ACACA: variants seen among roughly 807,000 people sequenced by gnomAD.
The protein encoded by ACACA is acetyl-CoA carboxylase alpha, also known as acetyl-CoA carboxylase 1.
In ACACA, 103 loss-of-function variants were observed where a neutral mutation model predicts 296.1. The ratio of observed to expected loss-of-function variants is 0.35; its 90% CI spans 0.30 to 0.41. The LOEUF is 0.41. ACACA is among the 10% of genes least tolerant of loss of function. ACACA has a pLI of 1.00. For synonymous variants in ACACA, 953 were observed against 1,038.6 expected, an observed-to-expected ratio of 0.92 and a Z score of 1.58; for missense variants, 1,554 against 2,989.7, an observed-to-expected ratio of 0.52 and a Z score of 11.20.
At chr17:37,105,449 CCCAGG>C (rs1891851579) in intron 52 of ACACA, among the ~76,000 whole-genome samples, 1 of 151,852 alleles carries the variant, frequency 6.6e-6, no homozygotes, top group Admixed American at 6.6e-5. Context: ...TGCACTCCAG[CCCAGG>C]CGACAGTGCG....
intron 3 of ACACA, chr17:37,328,767 C>T: frequency 2.5e-6 from 1 of 397,520 alleles, no homozygotes; most frequent in Admixed American, 4.4e-5. Context: ...CAACAACAGC[C>T]ACCCTAACTT....
At chr17:37,170,965 C>T (rs1251845559) in intron 41 of ACACA, among the ~76,000 whole-genome samples, 1 of 152,168 alleles carries the variant, frequency 6.6e-6, no homozygotes, top group Non-Finnish European at 1.5e-5. Flanking sequence ...AAGACATATC[C>T]ATCAACTCTA....
At chr17:37,176,998 G>C (rs59071509) in intron 41 of ACACA, among the ~76,000 whole-genome samples, 2 of 152,048 alleles carry the variant, frequency 1.3e-5, no homozygotes, top group East Asian at 3.9e-4. Flanking sequence ...AAGAAAAACA[G>C]AACAAAGAAA....
intron 40 of ACACA, among the ~76,000 whole-genome samples, chr17:37,180,272 T>C (rs542590426): frequency 1.3e-5 from 2 of 152,316 alleles, no homozygotes; most frequent in East Asian, 3.9e-4. Flanking sequence ...CTAGCAATGC[T>C]ATAAAAGGGA....
Position 37,218,267 on chromosome 17 carries a change from C to T in ACACA, c.3683+3457G>A, listed in dbSNP as rs4794751. Among the ~76,000 whole-genome samples, 47 of 151,498 alleles carry T rather than the reference C, an allele frequency of 3.1e-4. 1 individual carries two copies. Among genetic ancestry groups the T allele is most frequent in the Admixed American group, 2.3e-3 (35 of 15,238 alleles). ...TGCAGCTAGGGTAGTACTTGAAATA[C>T]GGCTAGTTTATATTGAGATATGCTG... On this transcript the variant is annotated intron_variant, in intron 29 of 55. Transcript: ENST00000616317.
intron 8 of ACACA, among the ~76,000 whole-genome samples, chr17:37,275,321 G>C (rs1003168911): frequency 1.3e-5 from 2 of 151,804 alleles, no homozygotes; most frequent in Non-Finnish European, 2.9e-5. Context: ...GATGGTGAAA[G>C]CCTGTCTCTA....
chr17:37,358,986 G>A, intron 1 of ACACA: 18 of 985,594 alleles, frequency 1.8e-5, no homozygotes, highest in Non-Finnish European at 2.2e-5. Flanking sequence ...TTCTGGGCCG[G>A]CCCTCACCTC....
chr17:37,103,175 C>T (rs895318868), intron 52 of ACACA, among the ~76,000 whole-genome samples: 8 of 152,094 alleles, frequency 5.3e-5, no homozygotes, highest in African/African-American at 1.7e-4. Context: ...AGCAGCCAGC[C>T]CCGGTAATGA....
intron 3 of ACACA, among the ~76,000 whole-genome samples, chr17:37,307,549 C>T (rs1471485201): frequency 6.6e-6 from 1 of 151,852 alleles, no homozygotes; most frequent in African/African-American, 2.4e-5. Context: ...AAGTCTTTTC[C>T]CCATATTTCT....
At chr17:37,166,540 A>C (rs957203548) in intron 41 of ACACA, among the ~76,000 whole-genome samples, 3 of 152,230 alleles carry the variant, frequency 2.0e-5, no homozygotes, top group African/African-American at 7.2e-5. Flanking sequence ...GAATATTCTT[A>C]AACTATTTTA....
At chr17:37,342,472 CAT>C (rs60075011) in intron 1 of ACACA, among the ~76,000 whole-genome samples, 15,842 of 103,076 alleles carry the variant, frequency 0.15, 1,711 homozygotes, top group African/African-American at 0.3. Context: ...CACACACACA[CAT>C]ATATTTTTAA....
intron 3 of ACACA, among the ~76,000 whole-genome samples, chr17:37,298,537 A>T (rs1360783687): frequency 6.6e-6 from 1 of 152,168 alleles, no homozygotes; most frequent in African/African-American, 2.4e-5. Flanking sequence ...TGAAAAAAAA[A>T]TTAGCCAGGC....
intron 39 of ACACA, among the ~76,000 whole-genome samples, chr17:37,183,582 G>A (rs9905678): frequency 0.47 from 71,643 of 151,666 alleles, 18,917 homozygotes; most frequent in East Asian, 0.75. Flanking sequence ...CAATCCCAGC[G>A]CTTTGGGAGG....
intron 36 of ACACA, 40 bp downstream of exon 36, chr17:37,193,334 G>C (rs1163530115): frequency 6.8e-7 from 1 of 1,461,218 alleles, no homozygotes; most frequent in African/African-American, 1.4e-5. Context: ...TTAAGAAAAA[G>C]TAATTTTTTT....
At chr17:37,268,673 A>T (rs1160116350) in intron 10 of ACACA, among the ~76,000 whole-genome samples, 1 of 150,604 alleles carries the variant, frequency 6.6e-6, no homozygotes, top group Non-Finnish European at 1.5e-5. Context: ...CACTGTCTTG[A>T]ATGGTCTCTA....
chr17:37,102,983 GAA>G (rs2073452375), intron 52 of ACACA, among the ~76,000 whole-genome samples: 1 of 152,170 alleles, frequency 6.6e-6, no homozygotes, highest in South Asian at 2.1e-4. Flanking sequence ...TCAAAACAAG[GAA>G]AAGACTGAAG....
intron 2 of ACACA, among the ~76,000 whole-genome samples, chr17:37,334,922 A>G (rs2048046515): frequency 6.6e-6 from 1 of 152,088 alleles, no homozygotes; most frequent in Admixed American, 6.5e-5. Flanking sequence ...CACTCTTTGC[A>G]TGCATGCAAA....
At chr17:37,213,067 C>T (rs901120376) in intron 29 of ACACA, among the ~76,000 whole-genome samples, 1 of 151,900 alleles carries the variant, frequency 6.6e-6, no homozygotes, top group African/African-American at 2.4e-5. Context: ...CCTATAATTC[C>T]AGCGCTTTGG....
chr17:37,266,301 C>T (rs972718595), intron 10 of ACACA, among the ~76,000 whole-genome samples: 1 of 151,976 alleles, frequency 6.6e-6, no homozygotes, highest in East Asian at 1.9e-4. Flanking sequence ...GTAATCCCAA[C>T]TACTCGGGAG....
Sources: gnomAD v4.1 joint callset for allele counts (sites outside exome capture counted in the v4.1 genomes callset) on GRCh38, gnomAD v4.1.1 for gene constraint, MANE v1.5 for transcripts, NCBI Gene and HGNC (gene_info 2026-07-23, HGNC 2026-07-21) for gene names.